Variants in ATP8A2 observed in about 807,000 individuals in gnomAD.
ATP8A2 encodes ATPase phospholipid transporting 8A2.
In ATP8A2, 100 loss-of-function variants were observed where a neutral mutation model predicts 165.6. That is an observed-to-expected ratio of 0.60 (90% CI 0.51 to 0.71). The LOEUF (loss-of-function observed/expected upper bound fraction) is 0.71, where lower values mean the gene tolerates loss of function less well. ATP8A2 is among the 30% of genes least tolerant of loss of function. The probability of loss-of-function intolerance (pLI) is 0.00; values close to 1 mark genes in which losing one functional copy is unlikely to be tolerated. For synonymous variants in ATP8A2, 543 were observed against 548.8 expected, an observed-to-expected ratio of 0.99 and a Z score of 0.15; for missense variants, 1,227 against 1,479.5, an observed-to-expected ratio of 0.83 and a Z score of 2.80.
At chr13:25,592,489 T>C (rs192449159) in intron 24 of ATP8A2, among the ~76,000 whole-genome samples, 3 of 152,324 alleles carry the variant, frequency 2.0e-5, no homozygotes, top group South Asian at 2.1e-4. Flanking sequence ...TACTAAGAAG[T>C]AGAAAATGAG....
At chr13:25,930,421 G>A (rs1023150137) in intron 33 of ATP8A2, among the ~76,000 whole-genome samples, 1 of 150,756 alleles carries the variant, frequency 6.6e-6, no homozygotes, top group Non-Finnish European at 1.5e-5. Context: ...TTGCACTCAG[G>A]GCCTTTGTGT....
intron 27 of ATP8A2, among the ~76,000 whole-genome samples, 179 bp downstream of exon 27, chr13:25,775,138 A>G (rs2044712829): frequency 6.6e-6 from 1 of 152,162 alleles, no homozygotes; most frequent in Non-Finnish European, 1.5e-5. Flanking sequence ...ATTCTGGTCT[A>G]GATCCTCATG....
In ATP8A2 at chr13:25,636,382, G is replaced by A. The variant is rs150244607; in HGVS notation, c.2211+46683G>A. Among the ~76,000 whole-genome samples, 306 of 152,254 alleles carry A rather than the reference G, an allele frequency of 2.0e-3. 3 individuals carry two copies. Among genetic ancestry groups the A allele is most frequent in the African/African-American group, 6.2e-3 (257 of 41,548 alleles). On this transcript the variant is annotated intron_variant, in intron 24 of 36. Coordinates refer to ENST00000381655, the MANE Select transcript of ATP8A2 (RefSeq NM_016529.6). Reference sequence around the variant, plus strand: ...TTTTAACAACTACTTTTAGTTAAGTGTTTTATATGCATGGGGTATCCTCGG... The same window carrying A: ...TTTTAACAACTACTTTTAGTTAAGTATTTTATATGCATGGGGTATCCTCGG...
chr13:25,403,442 G>T (rs774527022), intron 1 of ATP8A2, among the ~76,000 whole-genome samples: 1 of 152,168 alleles, frequency 6.6e-6, no homozygotes, highest in Non-Finnish European at 1.5e-5. Flanking sequence ...GTTAAATCAG[G>T]CTTGGAAAGT....
chr13:25,565,705 T>G (rs1250335082), intron 16 of ATP8A2, among the ~76,000 whole-genome samples: 1 of 152,232 alleles, frequency 6.6e-6, no homozygotes, highest in Non-Finnish European at 1.5e-5. Context: ...TGACTGTTCC[T>G]TTTGCTGTGC....
intron 33 of ATP8A2, among the ~76,000 whole-genome samples, chr13:25,922,532 G>A (rs1306791687): frequency 6.6e-6 from 1 of 152,212 alleles, no homozygotes; most frequent in African/African-American, 2.4e-5. Flanking sequence ...TTTCCAGTCA[G>A]TGGGCAGGGA....
chr13:25,895,232 T>G (rs1953498692), intron 33 of ATP8A2, among the ~76,000 whole-genome samples: 1 of 151,868 alleles, frequency 6.6e-6, no homozygotes, highest in Non-Finnish European at 1.5e-5. Context: ...TTATTGAGAG[T>G]TTTTAGCATG....
At chr13:25,823,307 A>G (rs1308356906) in intron 27 of ATP8A2, among the ~76,000 whole-genome samples, 2 of 152,042 alleles carry the variant, frequency 1.3e-5, no homozygotes, top group Admixed American at 6.5e-5. Context: ...GGCTTTGTAA[A>G]TCCAAGCTAA....
chr13:25,390,807 G>A (rs1367800898), intron 1 of ATP8A2, among the ~76,000 whole-genome samples: 2 of 151,854 alleles, frequency 1.3e-5, no homozygotes, highest in African/African-American at 4.8e-5. Context: ...GTACACACCT[G>A]TAATCCCAGC....
At chr13:25,732,217 A>G (rs927858489) in intron 25 of ATP8A2, among the ~76,000 whole-genome samples, 2 of 152,210 alleles carry the variant, frequency 1.3e-5, no homozygotes, top group Non-Finnish European at 2.9e-5. Flanking sequence ...GGCACGTATG[A>G]TGCTTTCTGG....
chr13:25,823,821 A>G (rs1951239526), intron 27 of ATP8A2, among the ~76,000 whole-genome samples: 1 of 152,154 alleles, frequency 6.6e-6, no homozygotes, highest in Non-Finnish European at 1.5e-5. Context: ...TTCTTCTGTT[A>G]TATCTTTGAA....
At chr13:25,648,491 C>T (rs1458550985) in intron 24 of ATP8A2, among the ~76,000 whole-genome samples, 1 of 152,108 alleles carries the variant, frequency 6.6e-6, no homozygotes, top group Non-Finnish European at 1.5e-5. Flanking sequence ...TAGTGAAACC[C>T]TGTCTCTACT....
chr13:25,736,917 C>A (rs992095260), intron 25 of ATP8A2, among the ~76,000 whole-genome samples: 1 of 152,048 alleles, frequency 6.6e-6, no homozygotes, highest in Non-Finnish European at 1.5e-5. Flanking sequence ...AGATAACTAT[C>A]GATTGGGGAA....
intron 1 of ATP8A2, among the ~76,000 whole-genome samples, chr13:25,435,585 A>G (rs1245634739): frequency 6.6e-6 from 1 of 152,078 alleles, no homozygotes; most frequent in Non-Finnish European, 1.5e-5. Flanking sequence ...TGTAAATGTC[A>G]CTGGAATTGA....
At chr13:25,735,819 A>G (rs2043755618) in intron 25 of ATP8A2, among the ~76,000 whole-genome samples, 1 of 152,178 alleles carries the variant, frequency 6.6e-6, no homozygotes, top group African/African-American at 2.4e-5. Flanking sequence ...TCATAAATTT[A>G]GGGTAGCCTA....
intron 1 of ATP8A2, among the ~76,000 whole-genome samples, chr13:25,382,714 A>T (rs895912184): frequency 6.7e-6 from 1 of 150,122 alleles, no homozygotes; most frequent in African/African-American, 2.4e-5. Context: ...TGTAATTGCC[A>T]TCTGTATATC....
intron 16 of ATP8A2, among the ~76,000 whole-genome samples, chr13:25,569,925 A>G (rs1198735083): frequency 6.6e-6 from 1 of 152,198 alleles, no homozygotes; most frequent in Non-Finnish European, 1.5e-5. Flanking sequence ...TAATTAATAG[A>G]CGTGCCAGGT....
At chr13:25,924,130 C>T (rs1174722973) in intron 33 of ATP8A2, among the ~76,000 whole-genome samples, 2 of 152,228 alleles carry the variant, frequency 1.3e-5, no homozygotes, top group Admixed American at 6.5e-5. Flanking sequence ...ACGTTGTCTG[C>T]TGTGCCTCTC....
chr13:25,512,982 G>C (rs1284397701), intron 2 of ATP8A2, among the ~76,000 whole-genome samples: 2 of 133,924 alleles, frequency 1.5e-5, no homozygotes, highest in Admixed American at 7.3e-5. Flanking sequence ...CCTCCCTCCC[G>C]GACGGGGTGG....
Sources: allele counts gnomAD v4.1 joint callset (sites outside exome capture counted in the v4.1 genomes callset), GRCh38; gene constraint gnomAD v4.1.1; transcripts MANE v1.5; gene names NCBI Gene and HGNC (gene_info 2026-07-23, HGNC 2026-07-21).